Variants in HEATR4 observed in about 807,000 individuals in gnomAD.
HEATR4 encodes HEAT repeat containing 4, also known as HEAT repeat-containing protein 4.
HEATR4 carries 95 observed loss-of-function variants against 108.8 expected under a neutral mutation model. The observed-to-expected ratio is 0.87, with a 90% CI of 0.74 to 1.04. The LOEUF (loss-of-function observed/expected upper bound fraction) is 1.04, where lower values mean the gene tolerates loss of function less well. Among genes scored for constraint, HEATR4 ranks in the 50% least tolerant of loss-of-function variants. The pLI, the probability that HEATR4 is intolerant of heterozygous loss-of-function variation, is 0.00. For missense variants in HEATR4, 1,152 were observed against 1,253.8 expected (o/e 0.92, Z 1.23); for synonymous variants, 443 against 459.4 (o/e 0.96, Z 0.46).
At chr14:73,575,280 C>CA in the HEATR4 span, 1 of 844,454 alleles carries the variant, frequency 1.2e-6, no homozygotes, top group Admixed American at 3.5e-5. Context: ...CTTGCAGGCC[C>CA]ATGGGAGGAG....
intron 6 of HEATR4, 100 bp from the exon 7 acceptor site, chr14:73,512,249 T>G: frequency 8.9e-6 from 12 of 1,354,592 alleles, no homozygotes; most frequent in Non-Finnish European, 1.2e-5. Flanking sequence ...CCCAGAATAA[T>G]TCAAGCAAAA....
the HEATR4 span, chr14:73,591,759 A>C: frequency 2.2e-6 from 1 of 463,932 alleles, no homozygotes; most frequent in Non-Finnish European, 3.6e-6. Context: ...CCTGAAGAGG[A>C]GCCTGGCTAC....
chr14:73,585,795 T>C, the HEATR4 span, among the ~76,000 whole-genome samples: 3 of 148,844 alleles, frequency 2.0e-5, no homozygotes, highest in African/African-American at 7.4e-5. Context: ...AAAAAAAGTA[T>C]AGGAGACCAC....
the HEATR4 span, chr14:73,619,530 G>T: frequency 6.2e-7 from 1 of 1,614,210 alleles, no homozygotes; most frequent in Non-Finnish European, 8.5e-7. Flanking sequence ...TGCCCTTCTT[G>T]TTTATTGTTG....
intron 5 of HEATR4, chr14:73,517,501 A>T (rs1887677610): frequency 6.6e-6 from 1 of 151,978 alleles, no homozygotes; most frequent in Non-Finnish European, 1.5e-5. Flanking sequence ...ACACAGCAAG[A>T]CCTTGTCTTT....
chr14:73,576,450 T>C, the HEATR4 span, among the ~76,000 whole-genome samples: 2 of 152,020 alleles, frequency 1.3e-5, no homozygotes, highest in Non-Finnish European at 2.9e-5. Flanking sequence ...CAAAAGCTGA[T>C]AAAACATTAT....
intron 17 of HEATR4, among the ~76,000 whole-genome samples, chr14:73,489,279 A>G (rs1187370714): frequency 6.6e-6 from 1 of 152,180 alleles, no homozygotes; most frequent in Non-Finnish European, 1.5e-5. Flanking sequence ...TATCACCCCC[A>G]GTTGATAACT....
the HEATR4 span, among the ~76,000 whole-genome samples, chr14:73,570,830 G>A: frequency 2.0e-5 from 3 of 150,640 alleles, no homozygotes; most frequent in Non-Finnish European, 3.0e-5. Flanking sequence ...GCTGGAACCC[G>A]GGAGGCAGAG....
the HEATR4 span, among the ~76,000 whole-genome samples, chr14:73,568,608 G>A: frequency 1.3e-5 from 2 of 151,896 alleles, no homozygotes; most frequent in South Asian, 4.2e-4. Context: ...CAATAATTGA[G>A]AAACCAGTAA....
chr14:73,574,048 TTA>T, the HEATR4 span, among the ~76,000 whole-genome samples: 57 of 151,432 alleles, frequency 3.8e-4, no homozygotes, highest in African/African-American at 1.3e-3. Context: ...TTTTTTTTTT[TTA>T]AGTAGAGATG....
rs1205700412 is a variant in HEATR4, at chr14:73,556,903, C to T, written c.-152+1848G>A. On this transcript the variant is annotated intron_variant, in intron 1 of 17. Transcript: ENST00000553558. ...GGGAAGAATTTAGGGCTATGGGGTA[C>T]TCAGCAATTAAAAGAGAGGGTGCTT... Among the ~76,000 whole-genome samples the T allele has an allele frequency of 1.8e-5, 2 of 113,072 alleles. 1 individual carries two copies. Among genetic ancestry groups the T allele is most frequent in the Non-Finnish European group, 3.9e-5 (2 of 51,710 alleles). The allele number at this position is 113,072 out of a possible 152,430, so 74.2% of individuals were successfully genotyped here. A position where few individuals can be genotyped will look rare whatever the true frequency, so the allele number is the denominator to read the frequency against.
rs750451986 is a variant in HEATR4, at chr14:73,537,862, G to T, written c.-151-7618C>A. 14 of 1,200,136 alleles carry T rather than the reference G, an allele frequency of 1.2e-5. 5 individuals are homozygous for T. The highest frequency in any genetic ancestry group is 8.7e-5 in the Admixed American group (3 of 34,396). The allele number at this position is 1,200,136 out of a possible 1,614,324, so 74.3% of individuals were successfully genotyped here. ...TGCGCGCGGGCCGGGTGCGAGGCAC[G>T]CTCTTCCTGCCGCCAGGTGACTCAC... On this transcript the variant is annotated intron_variant, in intron 1 of 17. Transcript: ENST00000553558.
In HEATR4 at chr14:73,547,661, G is replaced by C. The variant is rs763676449; in HGVS notation, c.-152+11090C>G. Among the ~76,000 whole-genome samples, 49 of 115,476 alleles carry C rather than the reference G, an allele frequency of 4.2e-4. 15 individuals carry two copies. Among genetic ancestry groups the C allele is most frequent in the Middle Eastern group, 4.9e-3 (1 of 206 alleles). 75.8% of individuals were successfully genotyped at this position (115,476 alleles called of 152,430 possible). A position where few individuals can be genotyped will look rare whatever the true frequency, so the allele number is the denominator to read the frequency against. ...TCACTTTGGGAGGCCAAGGTGGGTG[G>C]ATCACTTGAAGTCAGGAGTTCGAGA... On this transcript the variant is annotated intron_variant, in intron 1 of 17. Coordinates refer to ENST00000553558, the MANE Select transcript of HEATR4 (RefSeq NM_001220484.1).
At chr14:73,621,951 T>C in the HEATR4 span, among the ~76,000 whole-genome samples, 5 of 151,790 alleles carry the variant, frequency 3.3e-5, no homozygotes, top group Non-Finnish European at 5.9e-5. Flanking sequence ...TTTGTAGAGA[T>C]GAGGTCTCAT....
chr14:73,569,555 C>T, the HEATR4 span: 3 of 1,602,198 alleles, frequency 1.9e-6, no homozygotes, highest in African/African-American at 2.7e-5. Flanking sequence ...ACGAGAAGGG[C>T]GCGCTTTTCC....
intron 7 of HEATR4, 35 bp downstream of exon 7, chr14:73,511,971 C>T: frequency 1.2e-6 from 2 of 1,613,212 alleles, no homozygotes; most frequent in Non-Finnish European, 1.7e-6. Flanking sequence ...TTATGAGTTG[C>T]TTATGTTCTC....
the HEATR4 span, among the ~76,000 whole-genome samples, chr14:73,594,832 CTG>C: frequency 7.3e-3 from 1,114 of 152,290 alleles, 17 homozygotes; most frequent in African/African-American, 0.025. Context: ...TCCCAGGTAA[CTG>C]GGATTAGAGG....
chr14:73,572,935 C>T, the HEATR4 span, among the ~76,000 whole-genome samples: 1 of 151,362 alleles, frequency 6.6e-6, no homozygotes, highest in South Asian at 2.1e-4. Context: ...CGTGAGCCAC[C>T]GGACCCAGCC....
At position 73,522,372 on chromosome 14, in the gene HEATR4, G is replaced by C; in HGVS notation, c.781C>G (p.Gln261Glu). Residue 261 changes from glutamine to glutamate, a missense_variant, in exon 3 of 18, where the codon CAG becomes GAG. Coordinates refer to ENST00000553558, the MANE Select transcript of HEATR4 (RefSeq NM_001220484.1). ...TSASDLELLK[Q>E]LEAEETAEFE... ...TCTGCTGTCTCTTCTGCCTCCAGCT[G>C]TTTCAGGAGCTCCAGGTCACTGGCA... 6.2e-7 allele frequency: 1 copy of C among 1,614,242 alleles called. No homozygotes were observed. The highest frequency in any genetic ancestry group is 8.5e-7 in the Non-Finnish European group (1 of 1,180,034).
Sources: allele counts gnomAD v4.1 joint callset (sites outside exome capture counted in the v4.1 genomes callset), GRCh38; gene constraint gnomAD v4.1.1; transcripts MANE v1.5; gene names NCBI Gene and HGNC (gene_info 2026-07-23, HGNC 2026-07-21).